The following AKAP9 variants were observed in gnomAD, a reference collection of about 807,000 sequenced individuals.
The protein encoded by AKAP9 is A-kinase anchoring protein 9, also known as A-kinase anchor protein 9.
Under a neutral mutation model 488.5 loss-of-function variants are expected in AKAP9, and 311 were observed. The ratio of observed to expected loss-of-function variants is 0.64; its 90% CI spans 0.58 to 0.70. AKAP9 has a LOEUF of 0.70. Among genes scored for constraint, AKAP9 ranks in the 30% least tolerant of loss-of-function variants. The probability of loss-of-function intolerance (pLI) is 0.00; values close to 1 mark genes in which losing one functional copy is unlikely to be tolerated. For missense variants in AKAP9, 4,215 were observed against 4,374.5 expected (o/e 0.96, Z 1.03); for synonymous variants, 1,462 against 1,483.5 (o/e 0.99, Z 0.33).
intron 42 of AKAP9, 93 bp from the exon 43 acceptor site, chr7:92,098,016 G>C: frequency 3.3e-6 from 3 of 903,696 alleles, no homozygotes; most frequent in Non-Finnish European, 5.4e-6. Flanking sequence ...GAAGTGATAG[G>C]TGAAGTAGAA....
intron 1 of AKAP9, among the ~76,000 whole-genome samples, chr7:91,953,839 C>G (rs934739684): frequency 1.9e-4 from 24 of 127,400 alleles, no homozygotes; most frequent in African/African-American, 6.7e-4. Flanking sequence ...AAAATCTCAT[C>G]TTAAGATAGG....
intron 22 of AKAP9, among the ~76,000 whole-genome samples, chr7:92,053,471 A>G (rs1808314163): frequency 6.6e-6 from 1 of 152,152 alleles, no homozygotes; most frequent in Non-Finnish European, 1.5e-5. Context: ...CTAGAGAGAA[A>G]CTTCTCCAAA....
At chr7:91,956,609 G>A (rs542231101) in intron 1 of AKAP9, among the ~76,000 whole-genome samples, 17 of 152,028 alleles carry the variant, frequency 1.1e-4, no homozygotes, top group African/African-American at 2.7e-4. Context: ...GTACTTCAGC[G>A]CTTTTTTCTT....
At chr7:92,037,431 GAT>G (rs1457145824) in intron 16 of AKAP9, among the ~76,000 whole-genome samples, 2 of 152,194 alleles carry the variant, frequency 1.3e-5, no homozygotes, top group African/African-American at 4.8e-5. Flanking sequence ...TAATGCTGCA[GAT>G]CAGTAAATAC....
chr7:92,082,260 T>G (rs1159581451), intron 31 of AKAP9, among the ~76,000 whole-genome samples: 1 of 152,202 alleles, frequency 6.6e-6, no homozygotes, highest in Non-Finnish European at 1.5e-5. Flanking sequence ...ACTTTCCATT[T>G]TAGGATGTAT....
chr7:92,046,124 A>G (rs990738974), intron 21 of AKAP9, among the ~76,000 whole-genome samples: 1 of 152,100 alleles, frequency 6.6e-6, no homozygotes, highest in Non-Finnish European at 1.5e-5. Context: ...GTGAGCCACC[A>G]TGCCCGGCCT....
At chr7:92,068,318 A>C (rs1232308488) in intron 26 of AKAP9, among the ~76,000 whole-genome samples, 1 of 148,984 alleles carries the variant, frequency 6.7e-6, no homozygotes, top group Non-Finnish European at 1.5e-5. Flanking sequence ...GTGAGCTGAG[A>C]TCACGCCACT....
chr7:92,105,600 G>T (rs1045334354), intron 46 of AKAP9, 78 bp from the exon 47 acceptor site: 3 of 1,011,702 alleles, frequency 3.0e-6, no homozygotes, highest in African/African-American at 1.6e-5. Context: ...ATATTTAAAC[G>T]TGTGATGTGA....
chr7:92,090,644 A>AT (rs1472420856), intron 38 of AKAP9: 1 of 151,038 alleles, frequency 6.6e-6, no homozygotes, highest in Non-Finnish European at 1.5e-5. Context: ...AAAAAAAAGA[A>AT]TTTCCTGTAT....
chr7:92,061,176 T>C (rs1809715885), intron 22 of AKAP9, 84 bp from the exon 23 acceptor site: 7 of 1,489,972 alleles, frequency 4.7e-6, no homozygotes, highest in Admixed American at 1.8e-5. Flanking sequence ...TTTAAAATCC[T>C]CCTTTTTTCC....
chr7:92,107,166 A>T, intron 47 of AKAP9, 127 bp from the exon 48 acceptor site: 1 of 935,576 alleles, frequency 1.1e-6, no homozygotes, highest in Non-Finnish European at 1.6e-6. Context: ...ATAATAGAAA[A>T]TGACTATAAA....
At chr7:92,105,799 A>C in intron 47 of AKAP9, 36 bp downstream of exon 47, 1 of 1,565,194 alleles carries the variant, frequency 6.4e-7, no homozygotes, top group Non-Finnish European at 8.8e-7. Context: ...TATGTTTATG[A>C]CTCTCTAAAT....
At chr7:91,954,862 C>CAAG (rs1792751761) in intron 1 of AKAP9, among the ~76,000 whole-genome samples, 1 of 152,166 alleles carries the variant, frequency 6.6e-6, no homozygotes, top group African/African-American at 2.4e-5. Context: ...GTGCCAGCTA[C>CAAG]TTTACTTGGT....
intron 18 of AKAP9, chr7:92,041,617 T>C (rs190708250): frequency 5.6e-5 from 9 of 160,654 alleles, no homozygotes; most frequent in Admixed American, 4.8e-4. Context: ...TGAAAACTTA[T>C]TGAATTTAAT....
chr7:92,062,816 G>A (rs1253454651), intron 24 of AKAP9, among the ~76,000 whole-genome samples: 1 of 152,076 alleles, frequency 6.6e-6, no homozygotes, highest in Non-Finnish European at 1.5e-5. Flanking sequence ...TAGCAGAGAG[G>A]CAGCAAAAAT....
chr7:92,065,758 A>G (rs1241266339), intron 25 of AKAP9, among the ~76,000 whole-genome samples: 2 of 152,212 alleles, frequency 1.3e-5, no homozygotes, highest in Non-Finnish European at 2.9e-5. Flanking sequence ...AGCTTATTCT[A>G]GTTTTTTATT....
At chr7:92,100,727 G>A (rs1485430358) in intron 44 of AKAP9, 129 bp from the exon 45 acceptor site, 9 of 989,114 alleles carry the variant, frequency 9.1e-6, no homozygotes, top group Non-Finnish European at 1.1e-5. Context: ...TGTCAATTGA[G>A]ATTGGCTTTG....
chr7:91,958,652 G>A (rs1793344628), intron 1 of AKAP9, among the ~76,000 whole-genome samples: 1 of 152,128 alleles, frequency 6.6e-6, no homozygotes, highest in Non-Finnish European at 1.5e-5. Context: ...CTTTAGAGTT[G>A]TGTGAGGGAG....
intron 31 of AKAP9, among the ~76,000 whole-genome samples, chr7:92,080,630 A>G (rs1813382069): frequency 6.6e-6 from 1 of 152,062 alleles, no homozygotes; most frequent in Admixed American, 6.6e-5. Context: ...AAAACTAGAC[A>G]AACTAAATTT....
Sources: allele counts gnomAD v4.1 joint callset (sites outside exome capture counted in the v4.1 genomes callset), GRCh38; gene constraint gnomAD v4.1.1; transcripts MANE v1.5; gene names NCBI Gene and HGNC (gene_info 2026-07-23, HGNC 2026-07-21).